Variants in ANXA5 observed in about 807,000 individuals in gnomAD.
ANXA5 encodes CBP-I.
In ANXA5, 40 loss-of-function variants were observed where a neutral mutation model predicts 48.1. The ratio of observed to expected loss-of-function variants is 0.83; its 90% CI spans 0.65 to 1.08. The LOEUF is 1.08. ANXA5 is among the 50% of genes least tolerant of loss of function. The probability of loss-of-function intolerance (pLI) is 0.00; values close to 1 mark genes in which losing one functional copy is unlikely to be tolerated. For synonymous variants in ANXA5, 113 were observed against 129.1 expected (o/e 0.88, Z 0.85); for missense variants, 357 against 376.8 (o/e 0.95, Z 0.44).
chr4:121,669,644 C>T lies in ANXA5; in HGVS notation c.861G>A (p.Glu287=), dbSNP rs1310597048. The change falls in exon 12 of 13, where the codon GAG becomes GAA. Residue 287 remains glutamate (E), a synonymous_variant. Coordinates refer to ENST00000296511, the MANE Select transcript of ANXA5 (RefSeq NM_001154.4). The part of the protein sequence containing the change: ...SEIDLFNIRK[E]FRKNFATSLY... ...GAGAGGTGGCAAAATTCTTCCTAAA[C>T]TCCTTCCTGATGTTAAACAGATCAA... 6.2e-7 allele frequency: 1 copy of T among 1,613,230 alleles called. No homozygotes were observed. The highest frequency in any genetic ancestry group is 1.1e-5 in the South Asian group (1 of 91,036).
In ANXA5 at chr4:121,696,884, C is replaced by T. The variant is rs1031144453; in HGVS notation, c.-57G>A. On this transcript the variant is annotated 5_prime_UTR_variant, in exon 1 of 13. Transcript: ENST00000296511. ...TCACCCAGACTGTGGGACCCAAGTG[C>T]CCCGAAACCCCGGGAGAGCGGCGGA... 2.5e-5 allele frequency: 8 copies of T among 318,100 alleles called. No individual in the cohort carries two copies. Among genetic ancestry groups the T allele is most frequent in the Non-Finnish European group, 4.0e-5 (7 of 175,198 alleles). The allele number at this position is 318,100 out of a possible 1,614,324, so 19.7% of individuals were successfully genotyped here. A position where few individuals can be genotyped will look rare whatever the true frequency, so the allele number is the denominator to read the frequency against.
intron 8 of ANXA5, 116 bp from the exon 9 acceptor site, chr4:121,672,742 T>A: frequency 2.7e-6 from 2 of 734,504 alleles, no homozygotes; most frequent in Non-Finnish European, 4.6e-6. Context: ...CATCTTGTAT[T>A]AATAGTTTTC....
At position 121,696,864 on chromosome 4, in the gene ANXA5, C is replaced by G; in HGVS notation, c.-37G>C. 5.9e-6 allele frequency: 2 copies of G among 336,884 alleles called. No homozygotes were observed. Among genetic ancestry groups the G allele is most frequent in the Non-Finnish European group, 1.1e-5 (2 of 186,602 alleles). The allele number at this position is 336,884 out of a possible 1,614,324, so 20.9% of individuals were successfully genotyped here. A position where few individuals can be genotyped will look rare whatever the true frequency, so the allele number is the denominator to read the frequency against. ...CCTCCCCGGGCTGCGACCACTCACC[C>G]AGACTGTGGGACCCAAGTGCCCCGA... On this transcript the variant is annotated splice_region_variant and 5_prime_UTR_variant, in exon 1 of 13. Coordinates refer to ENST00000296511, the MANE Select transcript of ANXA5 (RefSeq NM_001154.4).
chr4:121,676,433 T>C lies in ANXA5; in HGVS notation c.531+1461A>G, dbSNP rs1239491190. On this transcript the variant is annotated intron_variant, in intron 8 of 12. Coordinates refer to ENST00000296511, the MANE Select transcript of ANXA5 (RefSeq NM_001154.4). Reference sequence around the variant, plus strand: ...AGCTTTGGAGTCAGACAGGCCTCGTTAGGAATTCCAACTCCACTGCTATTC... The same window carrying C: ...AGCTTTGGAGTCAGACAGGCCTCGTCAGGAATTCCAACTCCACTGCTATTC... Among the ~76,000 whole-genome samples, 12 of 152,262 alleles carry C rather than the reference T, an allele frequency of 7.9e-5. No individual in the cohort carries two copies. The East Asian group carries it at 2.3e-3, about 29-fold the overall frequency.
intron 6 of ANXA5, among the ~76,000 whole-genome samples, chr4:121,680,584 C>T (rs185326124): frequency 3.9e-5 from 6 of 152,298 alleles, no homozygotes; most frequent in Admixed American, 3.3e-4. Flanking sequence ...TCATGACAGC[C>T]TGTTAACACA....
At chr4:121,673,638 G>A (rs1364024325) in intron 8 of ANXA5, among the ~76,000 whole-genome samples, 2 of 152,052 alleles carry the variant, frequency 1.3e-5, no homozygotes, top group Non-Finnish European at 2.9e-5. Flanking sequence ...TGAGACTCAT[G>A]TATCTTTATG....
chr4:121,669,123 A>G (rs181541271), intron 12 of ANXA5, among the ~76,000 whole-genome samples: 32 of 152,232 alleles, frequency 2.1e-4, no homozygotes, highest in Admixed American at 6.5e-4. Flanking sequence ...CCTTGTTTTA[A>G]AAAGAACAAA....
chr4:121,669,287 A>G (rs887514006), intron 12 of ANXA5: 27 of 225,686 alleles, frequency 1.2e-4, no homozygotes, highest in Admixed American at 5.3e-5. Context: ...AGACAGCTGG[A>G]ATTGATAAAA....
At chr4:121,670,146 T>C (rs1341092139) in intron 10 of ANXA5, 134 bp from the exon 11 acceptor site, 10 of 618,438 alleles carry the variant, frequency 1.6e-5, no homozygotes, top group Admixed American at 3.5e-5. Context: ...GCTAAAGAGC[T>C]GTAAGCTAAT....
intron 9 of ANXA5, 54 bp downstream of exon 9, chr4:121,672,479 T>A: frequency 7.9e-7 from 1 of 1,267,978 alleles, no homozygotes; most frequent in Non-Finnish European, 1.1e-6. Flanking sequence ...CACTGGCTCA[T>A]GCACTTTCCA....
intron 8 of ANXA5, among the ~76,000 whole-genome samples, chr4:121,676,554 G>A (rs1419363103): frequency 6.6e-6 from 1 of 151,930 alleles, no homozygotes; most frequent in Non-Finnish European, 1.5e-5. Flanking sequence ...TATTTACTGA[G>A]CACCTACTCT....
At chr4:121,676,885 TGA>T (rs1724707867) in intron 8 of ANXA5, among the ~76,000 whole-genome samples, 1 of 152,140 alleles carries the variant, frequency 6.6e-6, no homozygotes, top group Non-Finnish European at 1.5e-5. Flanking sequence ...GACTTTATCC[TGA>T]GGGCAATGGA....
At chr4:121,684,532 A>T in intron 4 of ANXA5, 145 bp downstream of exon 4, 1 of 658,562 alleles carries the variant, frequency 1.5e-6, no homozygotes, top group East Asian at 2.8e-5. Flanking sequence ...CTGATAATTT[A>T]GAGGAGAGTG....
intron 1 of ANXA5, 62 bp from the exon 2 acceptor site, chr4:121,696,686 G>A (rs760254847): frequency 6.9e-6 from 8 of 1,160,974 alleles, no homozygotes; most frequent in East Asian, 3.1e-5. Flanking sequence ...CTCCCCAAGC[G>A]CAGGTCCGCG....
At chr4:121,671,780 C>T (rs1447355218) in intron 9 of ANXA5, 138 bp from the exon 10 acceptor site, 9 of 634,634 alleles carry the variant, frequency 1.4e-5, no homozygotes, top group Admixed American at 1.0e-4. Context: ...GTGCTCAAAG[C>T]CTCAATGTGC....
chr4:121,681,568 T>C (rs371799716), intron 6 of ANXA5, 103 bp downstream of exon 6: 1 of 646,756 alleles, frequency 1.5e-6, no homozygotes, highest in East Asian at 2.7e-5. Flanking sequence ...TCATCCATCA[T>C]TTACTGCGTG....
chr4:121,672,461 TTCTG>T (rs1019751257), intron 9 of ANXA5, 68 bp downstream of exon 9: 2 of 1,025,850 alleles, frequency 1.9e-6, no homozygotes, highest in African/African-American at 1.6e-5. Context: ...GTAGCAGGTA[TTCTG>T]TCACACTGGC....
intron 8 of ANXA5, among the ~76,000 whole-genome samples, chr4:121,673,337 C>A (rs1306042437): frequency 6.6e-6 from 1 of 152,198 alleles, no homozygotes; most frequent in Non-Finnish European, 1.5e-5. Context: ...TCTGAATCCA[C>A]TTATTGACGT....
chr4:121,685,179 AC>A (rs1030777588), intron 3 of ANXA5, among the ~76,000 whole-genome samples: 2 of 151,730 alleles, frequency 1.3e-5, no homozygotes, highest in East Asian at 1.9e-4. Flanking sequence ...AATATATTCT[AC>A]CCCCCATTCC....
Sources: allele counts gnomAD v4.1 joint callset (sites outside exome capture counted in the v4.1 genomes callset), GRCh38; gene constraint gnomAD v4.1.1; transcripts MANE v1.5; gene names NCBI Gene and HGNC (gene_info 2026-07-23, HGNC 2026-07-21).